Variants in HIPK2 observed in about 807,000 individuals in gnomAD.
HIPK2 encodes homeodomain-interacting protein kinase 2.
Under a neutral mutation model 113.7 loss-of-function variants are expected in HIPK2, and 27 were observed. That is an observed-to-expected ratio of 0.24 (90% CI 0.17 to 0.33). The LOEUF is 0.33. Ranked by LOEUF, HIPK2 falls within the 10% of genes least tolerant of loss-of-function variation. The pLI, the probability that HIPK2 is intolerant of heterozygous loss-of-function variation, is 1.00. For missense variants in HIPK2, 1,257 were observed against 1,588.0 expected (o/e 0.79, Z 3.54); for synonymous variants, 631 against 642.2 (o/e 0.98, Z 0.26).
chr7:139,589,195 T>C (rs957773748), intron 12 of HIPK2, among the ~76,000 whole-genome samples: 10 of 152,294 alleles, frequency 6.6e-5, no homozygotes, highest in African/African-American at 2.2e-4. Flanking sequence ...CTGAAATTCA[T>C]TGAGAGAGAT....
intron 10 of HIPK2, among the ~76,000 whole-genome samples, chr7:139,601,581 T>TAA (rs1419480376): frequency 6.6e-6 from 1 of 152,168 alleles, no homozygotes; most frequent in Non-Finnish European, 1.5e-5. Flanking sequence ...TAGACAAGTA[T>TAA]AAAGTTGGTA....
At chr7:139,604,663 GAC>G (rs1415950214) in intron 9 of HIPK2, among the ~76,000 whole-genome samples, 2 of 122,080 alleles carry the variant, frequency 1.6e-5, no homozygotes, top group African/African-American at 6.4e-5. Context: ...CAGCCTGGGC[GAC>G]AGAGCGAGAC....
chr7:139,618,224 C>G (rs1800122665), intron 7 of HIPK2, among the ~76,000 whole-genome samples: 1 of 152,106 alleles, frequency 6.6e-6, no homozygotes, highest in Non-Finnish European at 1.5e-5. Flanking sequence ...CTTAGTAAAG[C>G]CTGGCACATA....
intron 2 of HIPK2, among the ~76,000 whole-genome samples, chr7:139,654,742 G>A (rs1258894438): frequency 6.6e-6 from 1 of 152,100 alleles, no homozygotes; most frequent in Non-Finnish European, 1.5e-5. Flanking sequence ...GGACGCTCAC[G>A]AGTCCAGCCA....
At chr7:139,743,956 T>C (rs1796149280) in intron 1 of HIPK2, among the ~76,000 whole-genome samples, 2 of 152,226 alleles carry the variant, frequency 1.3e-5, no homozygotes, top group African/African-American at 2.4e-5. Flanking sequence ...CCTAATTTTT[T>C]AAATGAATGA....
chr7:139,638,692 C>G (rs1420136241), intron 2 of HIPK2, among the ~76,000 whole-genome samples: 2 of 136,956 alleles, frequency 1.5e-5, no homozygotes, highest in Non-Finnish European at 3.0e-5. Context: ...GAGTCTCACT[C>G]TGTTGCCCAG....
At chr7:139,597,310 C>G (rs1689257296) in intron 11 of HIPK2, among the ~76,000 whole-genome samples, 1 of 152,194 alleles carries the variant, frequency 6.6e-6, no homozygotes, top group East Asian at 1.9e-4. Flanking sequence ...GATGTCATGC[C>G]AGGATTCCAG....
At chr7:139,773,136 G>A (rs554039081) in intron 1 of HIPK2, among the ~76,000 whole-genome samples, 2 of 152,280 alleles carry the variant, frequency 1.3e-5, no homozygotes, top group South Asian at 2.1e-4. Context: ...GAATGAATGC[G>A]TTAAAGATGG....
At chr7:139,726,942 AG>A (rs1361071154) in intron 1 of HIPK2, among the ~76,000 whole-genome samples, 2 of 152,256 alleles carry the variant, frequency 1.3e-5, no homozygotes, top group African/African-American at 4.8e-5. Context: ...GCCAGCTAGA[AG>A]GGCTTGGTTT....
chr7:139,614,514 A>G, intron 7 of HIPK2, 21 bp from the exon 8 acceptor site: 1 of 1,278,946 alleles, frequency 7.8e-7, no homozygotes, highest in Non-Finnish European at 1.0e-6. Flanking sequence ...GATGGGGATT[A>G]AACAAAAATA....
At chr7:139,589,539 G>A (rs1398131054) in intron 12 of HIPK2, among the ~76,000 whole-genome samples, 1 of 152,190 alleles carries the variant, frequency 6.6e-6, no homozygotes, top group African/African-American at 2.4e-5. Flanking sequence ...AGAAGCTTCA[G>A]CTTAATATGA....
chr7:139,768,081 G>C (rs1796582033), intron 1 of HIPK2, among the ~76,000 whole-genome samples: 1 of 152,240 alleles, frequency 6.6e-6, no homozygotes, highest in South Asian at 2.1e-4. Flanking sequence ...AGGCACCCCA[G>C]TTCCAAGCGG....
intron 1 of HIPK2, among the ~76,000 whole-genome samples, chr7:139,734,266 C>A (rs956981521): frequency 6.6e-6 from 1 of 152,230 alleles, no homozygotes; most frequent in Non-Finnish European, 1.5e-5. Context: ...CTACTCTCAT[C>A]ACCACCAGTG....
rs1187876778 is a variant in HIPK2, at chr7:139,626,730, C to T, written c.1490G>A (p.Arg497Gln). The change falls in exon 6 of 15, where the codon CGG (arginine) becomes CAG (glutamine). Residue 497 changes from arginine to glutamine, a missense_variant. By Grantham distance (43) the Arg-to-Gln change is conservative. This residue lies in a region of HIPK2 where 862 missense variants were observed against 1,004.3 expected (regional missense o/e 0.86). Transcript: ENST00000406875. ...GSDMLVEKAD[R>Q]REFIDLLKKM... The stretch of plus-strand genomic sequence containing the variant: ...CTTCAACAGGTCAATGAACTCCCGC[C>T]GGTCAGCCTTTTCTACCAACATGTC... 18 of 1,613,870 alleles carry T rather than the reference C, an allele frequency of 1.1e-5. No homozygotes were observed. The highest frequency in any genetic ancestry group is 1.3e-5 in the African/African-American group (1 of 74,914).
chr7:139,756,684 C>T (rs1191196178), intron 1 of HIPK2, among the ~76,000 whole-genome samples: 3 of 152,206 alleles, frequency 2.0e-5, no homozygotes, highest in African/African-American at 7.2e-5. Context: ...CTCAGCCTCC[C>T]AAGGTGCTGG....
chr7:139,701,530 G>A (rs1261261434), intron 2 of HIPK2, among the ~76,000 whole-genome samples: 6 of 152,250 alleles, frequency 3.9e-5, no homozygotes, highest in African/African-American at 1.2e-4. Flanking sequence ...CATAGCTGGC[G>A]GGACGCTGAG....
intron 2 of HIPK2, among the ~76,000 whole-genome samples, chr7:139,668,812 T>A (rs1355096101): frequency 6.6e-6 from 1 of 152,230 alleles, no homozygotes; most frequent in Non-Finnish European, 1.5e-5. Context: ...TCTATTTAGT[T>A]GAGATAAAAT....
chr7:139,686,894 C>T (rs971830796), intron 2 of HIPK2, among the ~76,000 whole-genome samples: 2 of 152,178 alleles, frequency 1.3e-5, no homozygotes, highest in South Asian at 2.1e-4. Context: ...AGAACTCTTT[C>T]GTGAAGGGAA....
intron 2 of HIPK2, among the ~76,000 whole-genome samples, chr7:139,639,728 C>G (rs887105548): frequency 1.5e-4 from 23 of 152,128 alleles, no homozygotes; most frequent in African/African-American, 5.6e-4. Context: ...GCGCCTAGCA[C>G]GCAGCCTGGG....
Sources: allele counts gnomAD v4.1 joint callset (sites outside exome capture counted in the v4.1 genomes callset), GRCh38; gene constraint gnomAD v4.1.1; regional missense constraint gnomAD v4.1.1; transcripts MANE v1.5; gene names NCBI Gene and HGNC (gene_info 2026-07-23, HGNC 2026-07-21).